NPAS3: variants seen among roughly 807,000 people sequenced by gnomAD.
NPAS3 encodes the protein neuronal PAS domain protein 3, also known as neuronal PAS domain-containing protein 3.
In NPAS3, 14 loss-of-function variants were observed where a neutral mutation model predicts 73.1. The ratio of observed to expected loss-of-function variants is 0.19; its 90% CI spans 0.13 to 0.30. NPAS3 has a LOEUF of 0.30. Among genes scored for constraint, NPAS3 ranks in the 10% least tolerant of loss-of-function variants. The pLI, the probability that NPAS3 is intolerant of heterozygous loss-of-function variation, is 1.00. For synonymous variants in NPAS3, 620 were observed against 541.5 expected (o/e 1.14, Z -2.01); for missense variants, 1,096 against 1,250.0 (o/e 0.88, Z 1.86).
chr14:33,577,044 T>C (rs1825346614), intron 5 of NPAS3, among the ~76,000 whole-genome samples: 1 of 152,214 alleles, frequency 6.6e-6, no homozygotes, highest in African/African-American at 2.4e-5. Context: ...GCCAAAGCCA[T>C]GAAGCAAAGA....
intron 2 of NPAS3, among the ~76,000 whole-genome samples, chr14:33,096,575 C>T (rs532061696): frequency 1.3e-5 from 2 of 152,172 alleles, no homozygotes; most frequent in Non-Finnish European, 2.9e-5. Context: ...GTCACTTAGT[C>T]TCTCTGTGCC....
chr14:33,785,773 G>A (rs1343614261), intron 9 of NPAS3, among the ~76,000 whole-genome samples: 1 of 152,010 alleles, frequency 6.6e-6, no homozygotes, highest in Non-Finnish European at 1.5e-5. Flanking sequence ...TAGAACTTTT[G>A]GTGGGGCATA....
intron 6 of NPAS3, among the ~76,000 whole-genome samples, chr14:33,698,377 C>T (rs2060443420): frequency 6.6e-6 from 1 of 152,140 alleles, no homozygotes; most frequent in Admixed American, 6.5e-5. Context: ...TGGGTGGTTT[C>T]CATGTTCTTT....
At chr14:33,466,088 G>A (rs557454908) in intron 4 of NPAS3, among the ~76,000 whole-genome samples, 5 of 152,176 alleles carry the variant, frequency 3.3e-5, no homozygotes, top group East Asian at 1.9e-4. Flanking sequence ...CTTGAGCTTC[G>A]GGAGCATGCT....
intron 2 of NPAS3, among the ~76,000 whole-genome samples, chr14:33,122,858 G>A (rs1412000053): frequency 1.3e-5 from 2 of 152,196 alleles, no homozygotes; most frequent in Non-Finnish European, 2.9e-5. Flanking sequence ...TTTTCTTGAA[G>A]AAGTCGGTAA....
chr14:33,797,747 C>T (rs2063554764), intron 11 of NPAS3, among the ~76,000 whole-genome samples, 166 bp downstream of exon 11: 1 of 151,862 alleles, frequency 6.6e-6, no homozygotes, highest in Admixed American at 6.6e-5. Context: ...TCCAGACACA[C>T]ATATATATAA....
chr14:33,770,660 G>T (rs530309944), intron 7 of NPAS3, among the ~76,000 whole-genome samples: 33 of 152,296 alleles, frequency 2.2e-4, no homozygotes, highest in African/African-American at 7.0e-4. Context: ...AGCACTTTGG[G>T]AGGCCGAGGT....
intron 7 of NPAS3, 79 bp downstream of exon 7, chr14:33,735,411 T>G: frequency 1.0e-6 from 1 of 960,592 alleles, no homozygotes; most frequent in Non-Finnish European, 1.7e-6. Context: ...CCAGCTGCTT[T>G]AGGTCCATAT....
At chr14:33,130,684 C>T (rs993846759) in intron 2 of NPAS3, among the ~76,000 whole-genome samples, 4 of 152,146 alleles carry the variant, frequency 2.6e-5, no homozygotes, top group African/African-American at 7.2e-5. Flanking sequence ...TTAGGAGGAG[C>T]TGGCTTCCTA....
chr14:32,975,927 A>G (rs989334473), intron 1 of NPAS3, among the ~76,000 whole-genome samples: 15 of 151,012 alleles, frequency 9.9e-5, no homozygotes, highest in Admixed American at 1.3e-4. Flanking sequence ...ACACGCATGC[A>G]TTTTACCTGA....
chr14:33,273,140 C>T (rs928962986), intron 3 of NPAS3, among the ~76,000 whole-genome samples: 3 of 152,168 alleles, frequency 2.0e-5, no homozygotes, highest in South Asian at 2.1e-4. Context: ...GGCTTGACTC[C>T]TCTGGGAGCC....
At chr14:33,509,663 A>G (rs1339530639) in intron 4 of NPAS3, among the ~76,000 whole-genome samples, 1 of 151,952 alleles carries the variant, frequency 6.6e-6, no homozygotes, top group Non-Finnish European at 1.5e-5. Context: ...GTAATTCACT[A>G]GGTACTTGGA....
intron 5 of NPAS3, 131 bp downstream of exon 5, chr14:33,560,341 G>A (rs1442138952): frequency 3.9e-6 from 2 of 512,332 alleles, no homozygotes; most frequent in Non-Finnish European, 7.1e-6. Context: ...TTACCTGACT[G>A]TTCTCTCAAA....
At chr14:33,647,578 T>C (rs2058870253) in intron 5 of NPAS3, among the ~76,000 whole-genome samples, 2 of 152,140 alleles carry the variant, frequency 1.3e-5, no homozygotes, top group Non-Finnish European at 2.9e-5. Flanking sequence ...TTGAACCAAT[T>C]TGATTTTAAA....
chr14:33,461,610 T>C (rs1566924194), intron 4 of NPAS3, among the ~76,000 whole-genome samples: 1 of 152,230 alleles, frequency 6.6e-6, no homozygotes, highest in Non-Finnish European at 1.5e-5. Context: ...TTAGGATTTG[T>C]ATTCCCTACG....
At chr14:33,576,111 A>T (rs953449895) in intron 5 of NPAS3, among the ~76,000 whole-genome samples, 10 of 152,176 alleles carry the variant, frequency 6.6e-5, no homozygotes, top group African/African-American at 2.2e-4. Flanking sequence ...TGGGCCTCTT[A>T]AATGAAACAA....
chr14:32,955,292 C>G (rs1339629223), intron 1 of NPAS3, among the ~76,000 whole-genome samples: 1 of 152,074 alleles, frequency 6.6e-6, no homozygotes, highest in Non-Finnish European at 1.5e-5. Context: ...GAAGTGTACT[C>G]TAGTAAGTAG....
At chr14:33,639,970 C>A (rs1343184773) in intron 5 of NPAS3, among the ~76,000 whole-genome samples, 1 of 152,150 alleles carries the variant, frequency 6.6e-6, no homozygotes, top group African/African-American at 2.4e-5. Flanking sequence ...GTAGTCCCAG[C>A]ACTTTGGGAG....
chr14:33,167,110 C>G (rs2045190137), intron 2 of NPAS3, among the ~76,000 whole-genome samples: 1 of 150,744 alleles, frequency 6.6e-6, no homozygotes, highest in Non-Finnish European at 1.5e-5. Context: ...ATTTACAACG[C>G]TTGGTATCTA....
Sources: allele counts gnomAD v4.1 joint callset (sites outside exome capture counted in the v4.1 genomes callset), GRCh38; gene constraint gnomAD v4.1.1; transcripts MANE v1.5; gene names NCBI Gene and HGNC (gene_info 2026-07-23, HGNC 2026-07-21).